MDFIC: variants seen among roughly 807,000 people sequenced by gnomAD.
The protein encoded by MDFIC is myoD family inhibitor domain-containing protein.
Under a neutral mutation model 23.2 loss-of-function variants are expected in MDFIC, and 17 were observed. The ratio of observed to expected loss-of-function variants is 0.73; its 90% confidence interval spans 0.50 to 1.10. The LOEUF is 1.10. MDFIC is among the 50% of genes least tolerant of loss of function. MDFIC has a pLI of 0.00. For missense variants in MDFIC, 356 were observed against 316.6 expected (o/e 1.12, Z -0.95); for synonymous variants, 120 against 115.2 (o/e 1.04, Z -0.27).
chr7:114,993,219 G>T (rs939290184), intron 4 of MDFIC, among the ~76,000 whole-genome samples: 2 of 152,026 alleles, frequency 1.3e-5, no homozygotes, highest in Non-Finnish European at 2.9e-5. Flanking sequence ...ATTTTTTATT[G>T]TGTCTATTTG....
intron 4 of MDFIC, among the ~76,000 whole-genome samples, chr7:114,982,513 G>A (rs1773881358): frequency 6.6e-6 from 1 of 151,302 alleles, no homozygotes; most frequent in Non-Finnish European, 1.5e-5. Flanking sequence ...TACATAGCAA[G>A]ATCTCATCTC....
Position 115,019,521 on chromosome 7 carries a change from C to T in MDFIC, c.*3586C>T, listed in dbSNP as rs1443507677. Among the ~76,000 whole-genome samples the T allele has an allele frequency of 1.3e-5, 2 of 152,030 alleles. No homozygotes were observed. The highest frequency in any genetic ancestry group is 2.1e-4 in the South Asian group (1 of 4,828). ...ATAAATAAGACTCGAGACTTATTAA[C>T]ATAAATAAGTATCTTGCCTTCTTGA... On this transcript the variant is annotated 3_prime_UTR_variant, in exon 5 of 5. Coordinates refer to ENST00000393486, the MANE Select transcript of MDFIC (RefSeq NM_001166345.3).
At chr7:114,985,222 A>G (rs1793489573) in intron 4 of MDFIC, among the ~76,000 whole-genome samples, 1 of 152,214 alleles carries the variant, frequency 6.6e-6, no homozygotes, top group Non-Finnish European at 1.5e-5. Flanking sequence ...TAGGATTGTT[A>G]TGAAGAAGAC....
At chr7:114,925,619 A>T (rs1792174890) in intron 2 of MDFIC, among the ~76,000 whole-genome samples, 3 of 152,212 alleles carry the variant, frequency 2.0e-5, no homozygotes, top group South Asian at 4.1e-4. Context: ...ACCAGGATAG[A>T]TGTCAGACAG....
intron 2 of MDFIC, among the ~76,000 whole-genome samples, chr7:114,931,767 G>A (rs984643885): frequency 6.6e-6 from 1 of 152,206 alleles, no homozygotes; most frequent in African/African-American, 2.4e-5. Flanking sequence ...AAGTTGGACT[G>A]CTAGTGTCCA....
rs139350105 is a variant in MDFIC at position 114,941,295 on chromosome 7, T to C, written c.95-980T>C. The stretch of plus-strand genomic sequence containing the variant: ...GGCTAGTTTGACTTATTTTTCTTGC[T>C]TTTGAATTTCATCCAGATTTCTCAC... On this transcript the variant is annotated intron_variant, in intron 2 of 4. Transcript: ENST00000393486. 5.9e-5 allele frequency among the ~76,000 whole-genome samples: 9 copies of C among 152,350 alleles called. No individual in the cohort carries two copies. The East Asian group carries it at 1.7e-3, about 29-fold the overall frequency.
At chr7:115,004,848 A>G (rs538434346) in intron 4 of MDFIC, among the ~76,000 whole-genome samples, 1 of 152,222 alleles carries the variant, frequency 6.6e-6, no homozygotes, top group African/African-American at 2.4e-5. Flanking sequence ...ACCATTGGCC[A>G]TTATTTATAT....
chr7:114,964,776 C>T (rs1453194782), intron 3 of MDFIC, among the ~76,000 whole-genome samples: 6 of 152,060 alleles, frequency 3.9e-5, no homozygotes, highest in Admixed American at 6.5e-5. Context: ...GTCTCGAACT[C>T]GTGACCTCAT....
At chr7:115,004,050 A>C (rs1221251424) in intron 4 of MDFIC, among the ~76,000 whole-genome samples, 1 of 152,228 alleles carries the variant, frequency 6.6e-6, no homozygotes, top group Non-Finnish European at 1.5e-5. Flanking sequence ...ATAAAAATTT[A>C]AAAAATACAA....
intron 3 of MDFIC, among the ~76,000 whole-genome samples, chr7:114,966,286 T>G (rs1793094417): frequency 6.6e-6 from 1 of 151,948 alleles, no homozygotes; most frequent in South Asian, 2.1e-4. Context: ...AGGTAAAGAA[T>G]GATTTGTGAG....
chr7:115,000,364 G>A (rs1024038861), intron 4 of MDFIC, among the ~76,000 whole-genome samples: 1 of 152,120 alleles, frequency 6.6e-6, no homozygotes, highest in African/African-American at 2.4e-5. Flanking sequence ...ATCACCTAAT[G>A]ACCCCTTCCT....
intron 4 of MDFIC, among the ~76,000 whole-genome samples, chr7:114,984,605 T>G (rs1793478066): frequency 6.6e-6 from 1 of 152,192 alleles, no homozygotes; most frequent in Non-Finnish European, 1.5e-5. Flanking sequence ...ATTAAATATT[T>G]TCATACATAC....
chr7:114,957,509 G>A (rs549691197), intron 3 of MDFIC, among the ~76,000 whole-genome samples: 38 of 152,162 alleles, frequency 2.5e-4, no homozygotes, highest in African/African-American at 8.9e-4. Flanking sequence ...ATATTAATAA[G>A]TAAAAAAAAG....
chr7:114,928,653 T>C (rs1269578570), intron 2 of MDFIC, among the ~76,000 whole-genome samples: 1 of 152,214 alleles, frequency 6.6e-6, no homozygotes, highest in Non-Finnish European at 1.5e-5. Flanking sequence ...AGGAGGGCCC[T>C]GATTCTCTTG....
At chr7:114,993,262 G>C (rs532912405) in intron 4 of MDFIC, among the ~76,000 whole-genome samples, 19 of 151,560 alleles carry the variant, frequency 1.3e-4, no homozygotes, top group African/African-American at 4.4e-4. Context: ...ATTAGTCTTG[G>C]TAGCGGTCTA....
chr7:115,018,383 T>A lies in MDFIC; in HGVS notation c.*2448T>A, dbSNP rs997029980. On this transcript the variant is annotated 3_prime_UTR_variant, in exon 5 of 5. Coordinates refer to ENST00000393486, the MANE Select transcript of MDFIC (RefSeq NM_001166345.3). ...GTACTGGCACAATTTGTGATGAAAATATTAGCACATTTGCAATAATGTTTC... is the reference window on the plus strand; with the variant it reads ...GTACTGGCACAATTTGTGATGAAAAAATTAGCACATTTGCAATAATGTTTC... The A allele has an allele frequency of 6.6e-6, 1 of 152,050 alleles. No individual in the cohort carries two copies. Among genetic ancestry groups the A allele is most frequent in the Non-Finnish European group, 1.5e-5 (1 of 67,872 alleles). 9.4% of individuals were successfully genotyped at this position (152,050 alleles called of 1,614,324 possible).
At chr7:114,927,017 G>A (rs1461328304) in intron 2 of MDFIC, among the ~76,000 whole-genome samples, 1 of 152,056 alleles carries the variant, frequency 6.6e-6, no homozygotes, top group East Asian at 1.9e-4. Context: ...GTCGTAATGG[G>A]GGTGCTACTA....
intron 3 of MDFIC, among the ~76,000 whole-genome samples, chr7:114,967,035 T>C (rs1367947016): frequency 1.3e-5 from 2 of 152,152 alleles, no homozygotes; most frequent in Non-Finnish European, 2.9e-5. Context: ...TTAAAAATTC[T>C]GGTAAATTTC....
intron 3 of MDFIC, among the ~76,000 whole-genome samples, chr7:114,964,742 G>T (rs1009631024): frequency 6.6e-6 from 1 of 152,050 alleles, no homozygotes; most frequent in Non-Finnish European, 1.5e-5. Flanking sequence ...GTAGAAACAG[G>T]GTTTTCCTGT....
Sources: allele counts gnomAD v4.1 joint callset (sites outside exome capture counted in the v4.1 genomes callset), GRCh38; gene constraint gnomAD v4.1.1; transcripts MANE v1.5; gene names NCBI Gene and HGNC (gene_info 2026-07-23, HGNC 2026-07-21).